The following JARID2 variants were observed in gnomAD, a reference collection of about 807,000 sequenced individuals.
The protein encoded by JARID2 is protein Jumonji.
Under a neutral mutation model 125.6 loss-of-function variants are expected in JARID2, and 21 were observed. That is an observed-to-expected ratio of 0.17 (90% CI 0.12 to 0.24). The LOEUF (loss-of-function observed/expected upper bound fraction) is 0.24, where lower values mean the gene tolerates loss of function less well. JARID2 is among the 10% of genes least tolerant of loss of function. The probability of loss-of-function intolerance (pLI) is 1.00; values close to 1 mark genes in which losing one functional copy is unlikely to be tolerated. For synonymous variants in JARID2, 736 were observed against 661.6 expected, an observed-to-expected ratio of 1.11 and a Z score of -1.73; for missense variants, 1,303 against 1,639.6, an observed-to-expected ratio of 0.79 and a Z score of 3.55.
intron 1 of JARID2, among the ~76,000 whole-genome samples, chr6:15,272,892 T>C (rs560899337): frequency 6.6e-5 from 10 of 152,250 alleles, no homozygotes; most frequent in Non-Finnish European, 1.3e-4. Context: ...AGTCACTAAG[T>C]TTATTTTCTT....
rs796247572 is a variant in JARID2 at position 15,463,840 on chromosome 6, G to A, written c.494-4702G>A. On this transcript the variant is annotated intron_variant, in intron 4 of 17. Coordinates refer to ENST00000341776, the MANE Select transcript of JARID2 (RefSeq NM_004973.4). ...ATTTCATACTGAGAAATATGCAATA[G>A]TTTTCTCCAGTGATAAACACCCTGG... 2.6e-5 allele frequency among the ~76,000 whole-genome samples: 4 copies of A among 152,286 alleles called. 1 individual carries two copies. The highest frequency in any genetic ancestry group is 9.6e-5 in the African/African-American group (4 of 41,550).
intron 1 of JARID2, among the ~76,000 whole-genome samples, chr6:15,302,283 G>T (rs1480167040): frequency 6.6e-6 from 1 of 152,168 alleles, no homozygotes; most frequent in Admixed American, 6.5e-5. Flanking sequence ...GGGCGTGGTG[G>T]CGTGCGCCTG....
chr6:15,267,598 C>A (rs937796059), intron 1 of JARID2, among the ~76,000 whole-genome samples: 2 of 152,156 alleles, frequency 1.3e-5, no homozygotes, highest in African/African-American at 4.8e-5. Flanking sequence ...TTGACTGTTT[C>A]AAGCCATGGC....
At chr6:15,441,814 G>A (rs1767457719) in intron 3 of JARID2, among the ~76,000 whole-genome samples, 1 of 151,780 alleles carries the variant, frequency 6.6e-6, no homozygotes, top group Non-Finnish European at 1.5e-5. Flanking sequence ...TTTTTGAGAT[G>A]GAGTTTTGCT....
chr6:15,418,358 C>T (rs2127582994), intron 3 of JARID2, among the ~76,000 whole-genome samples: 1 of 151,994 alleles, frequency 6.6e-6, no homozygotes, highest in East Asian at 1.9e-4. Context: ...GCTGGGACTA[C>T]AGGTGCATGC....
intron 5 of JARID2, among the ~76,000 whole-genome samples, chr6:15,471,943 T>A (rs1322110797): frequency 6.6e-6 from 1 of 152,172 alleles, no homozygotes. Flanking sequence ...GATGAACTTC[T>A]GAGTTTCAAA....
At chr6:15,391,961 T>G (rs1360645199) in intron 2 of JARID2, among the ~76,000 whole-genome samples, 1 of 152,058 alleles carries the variant, frequency 6.6e-6, no homozygotes, top group Non-Finnish European at 1.5e-5. Flanking sequence ...TGAGAAGTAT[T>G]CTGGAGGAAA....
At chr6:15,508,970 T>C (rs1278210775) in intron 12 of JARID2, 1 of 1,289,256 alleles carries the variant, frequency 7.8e-7, no homozygotes, top group Non-Finnish European at 1.0e-6. Context: ...TCAGCCTCTC[T>C]GTAGAGCCAG....
chr6:15,273,992 G>A (rs1178790931), intron 1 of JARID2, among the ~76,000 whole-genome samples: 3 of 150,304 alleles, frequency 2.0e-5, no homozygotes, highest in East Asian at 2.0e-4. Context: ...GCAGTGGCAC[G>A]ATCTCAGCTC....
intron 7 of JARID2, among the ~76,000 whole-genome samples, chr6:15,499,188 C>T (rs7769291): frequency 0.21 from 32,356 of 152,086 alleles, 3,836 homozygotes; most frequent in Middle Eastern, 0.35. Context: ...GGGGTCTGAG[C>T]TCAGCCATCT....
chr6:15,287,270 C>A (rs1198511608), intron 1 of JARID2, among the ~76,000 whole-genome samples: 1 of 152,120 alleles, frequency 6.6e-6, no homozygotes, highest in East Asian at 1.9e-4. Flanking sequence ...TAAAATATTT[C>A]CAAATACTTT....
chr6:15,502,529 C>G (rs899794539), intron 8 of JARID2, among the ~76,000 whole-genome samples: 8 of 152,308 alleles, frequency 5.3e-5, no homozygotes, highest in South Asian at 2.1e-4. Flanking sequence ...CCTCAGGTGC[C>G]CACGGCTGCC....
At chr6:15,456,898 T>TTTTTTTC (rs60705526) in intron 4 of JARID2, among the ~76,000 whole-genome samples, 3 of 149,620 alleles carry the variant, frequency 2.0e-5, no homozygotes, top group South Asian at 2.1e-4. Flanking sequence ...TTTTTTTTTT[T>TTTTTTTC]ACAATCATAA....
intron 2 of JARID2, among the ~76,000 whole-genome samples, chr6:15,406,106 T>G (rs773398511): frequency 9.9e-5 from 15 of 152,176 alleles, no homozygotes; most frequent in Non-Finnish European, 2.1e-4. Context: ...ACGTGCAGAA[T>G]AAAGTCAGTC....
intron 2 of JARID2, among the ~76,000 whole-genome samples, chr6:15,387,116 C>T (rs1764816876): frequency 6.6e-6 from 1 of 152,126 alleles, no homozygotes; most frequent in Non-Finnish European, 1.5e-5. Context: ...CTTTTTTCCC[C>T]AGAGGCACTC....
intron 6 of JARID2, among the ~76,000 whole-genome samples, chr6:15,492,973 C>G (rs1770228576): frequency 6.6e-6 from 1 of 152,040 alleles, no homozygotes; most frequent in African/African-American, 2.4e-5. Flanking sequence ...GTATACCTTG[C>G]CAATAATTCA....
In JARID2 at chr6:15,402,859, C is replaced by T. The variant is rs145205032; in HGVS notation, c.182-7365C>T. On this transcript the variant is annotated intron_variant, in intron 2 of 17. Coordinates refer to ENST00000341776, the MANE Select transcript of JARID2 (RefSeq NM_004973.4). ...GGTTGTCTGGTGGGTGTGTGTTTGA[C>T]TGGGTTGTCAGTGTAAAATTAAAAG... is the stretch of plus-strand genomic sequence containing the variant. Among the ~76,000 whole-genome samples, 84 of 152,208 alleles carry T rather than the reference C, an allele frequency of 5.5e-4. 1 individual carries two copies. The East Asian group carries it at 7.5e-3, about 14-fold the overall frequency.
rs967452396 is a variant in JARID2, at chr6:15,504,738, G to T, written c.2541+146G>T. Reference sequence around the variant, plus strand: ...TGAGTTCGTCCTCTGTGTTGAGCGTGCACCAGGGCAGCCAAATGTTTTAAC... The same window carrying T: ...TGAGTTCGTCCTCTGTGTTGAGCGTTCACCAGGGCAGCCAAATGTTTTAAC... On this transcript the variant is annotated intron_variant, in intron 9 of 17. Transcript: ENST00000341776. 6.6e-6 allele frequency: 4 copies of T among 609,712 alleles called. No homozygotes were observed. In the African/African-American group the frequency reaches 7.4e-5, roughly 11 times the overall value. The allele number at this position is 609,712 out of a possible 1,614,324, so 37.8% of individuals were successfully genotyped here. A position where few individuals can be genotyped will look rare whatever the true frequency, so the allele number is the denominator to read the frequency against.
At chr6:15,263,882 C>T (rs185048118) in intron 1 of JARID2, among the ~76,000 whole-genome samples, 41 of 152,274 alleles carry the variant, frequency 2.7e-4, no homozygotes, top group African/African-American at 7.9e-4. Context: ...CGTGAGCCAC[C>T]GTGCCCGGCT....
Sources: allele counts gnomAD v4.1 joint callset (sites outside exome capture counted in the v4.1 genomes callset), GRCh38; gene constraint gnomAD v4.1.1; transcripts MANE v1.5; gene names NCBI Gene and HGNC (gene_info 2026-07-23, HGNC 2026-07-21).